Variants in EIF4E3 observed in about 807,000 individuals in gnomAD.
The protein encoded by EIF4E3 is eukaryotic translation initiation factor 4E family member 3.
Under a neutral mutation model 31.7 loss-of-function variants are expected in EIF4E3, and 26 were observed. The observed-to-expected ratio is 0.82, with a 90% CI of 0.60 to 1.14. The LOEUF (loss-of-function observed/expected upper bound fraction) is 1.14, where lower values mean the gene tolerates loss of function less well. EIF4E3 is among the 50% of genes most tolerant of loss of function. The pLI is 0.00. For missense variants in EIF4E3, 304 were observed against 270.9 expected, an observed-to-expected ratio of 1.12 and a Z score of -0.86; for synonymous variants, 128 against 107.7, an observed-to-expected ratio of 1.19 and a Z score of -1.17.
At chr3:71,667,153 C>T in the EIF4E3 span, among the ~76,000 whole-genome samples, 6 of 152,108 alleles carry the variant, frequency 3.9e-5, no homozygotes, top group Non-Finnish European at 4.4e-5. Flanking sequence ...TGACAAAAAC[C>T]ACATGATTAT....
chr3:71,754,602 G>A, upstream of EIF4E3: 2 of 1,442,170 alleles, frequency 1.4e-6, no homozygotes, highest in Non-Finnish European at 1.8e-6. The surrounding 1 kb of genome is among the most constrained non-coding windows in gnomAD (Gnocchi z 5.8). Context: ...CGGCGCGCTG[G>A]GCTTCCTGCT....
intron 1 of EIF4E3, among the ~76,000 whole-genome samples, chr3:71,720,992 G>T (rs6772104): frequency 0.076 from 11,638 of 152,258 alleles, 514 homozygotes; most frequent in Non-Finnish European, 0.098. Context: ...TGGAAGTATG[G>T]CAGGATGGTT....
the EIF4E3 span, among the ~76,000 whole-genome samples, chr3:71,668,622 C>T: frequency 5.3e-5 from 8 of 151,866 alleles, no homozygotes; most frequent in East Asian, 1.9e-4. Context: ...CACCTTTATG[C>T]GGCCAACAAA....
At chr3:71,743,883 T>C (rs181895136) in intron 1 of EIF4E3, among the ~76,000 whole-genome samples, 1 of 152,170 alleles carries the variant, frequency 6.6e-6, no homozygotes, top group East Asian at 1.9e-4. Flanking sequence ...TGAATATCCA[T>C]ACATTAAAAA....
chr3:71,724,555 C>T (rs1434741185), intron 1 of EIF4E3, among the ~76,000 whole-genome samples: 8 of 152,192 alleles, frequency 5.3e-5, no homozygotes, highest in Admixed American at 3.9e-4. Flanking sequence ...TCACCCCCTT[C>T]CTGACAAGGT....
Position 71,683,117 on chromosome 3 carries a change from A to G in EIF4E3, c.*1565T>C, listed in dbSNP as rs2048943534. The stretch of plus-strand genomic sequence containing the variant: ...GGAAAAAAAAAAAGCATTTTAAGAA[A>G]CCTATGATGGTAAGTATTATGGCTG... On this transcript the variant is annotated 3_prime_UTR_variant, in exon 7 of 7. Transcript: ENST00000425534. 1 of 152,206 alleles carries G rather than the reference A, an allele frequency of 6.6e-6. No individual in the cohort carries two copies. Among genetic ancestry groups the G allele is most frequent in the African/African-American group, 2.4e-5 (1 of 41,458 alleles). The allele number at this position is 152,206 out of a possible 1,614,324, so 9.4% of individuals were successfully genotyped here.
chr3:71,708,385 G>C (rs568742092), intron 2 of EIF4E3, among the ~76,000 whole-genome samples: 1 of 152,120 alleles, frequency 6.6e-6, no homozygotes, highest in African/African-American at 2.4e-5. Flanking sequence ...CTTGATCTGC[G>C]TGATGGTTGT....
downstream of EIF4E3, among the ~76,000 whole-genome samples, chr3:71,671,992 A>C: frequency 6.6e-6 from 1 of 152,146 alleles, no homozygotes; most frequent in East Asian, 1.9e-4. Flanking sequence ...AGGGTTTTGC[A>C]TTGAAATCCT....
the EIF4E3 span, among the ~76,000 whole-genome samples, chr3:71,668,892 T>C: frequency 1.3e-5 from 2 of 152,330 alleles, no homozygotes; most frequent in East Asian, 3.9e-4. Context: ...ATCCCATTAC[T>C]AGGTATATAC....
chr3:71,738,014 T>A (rs986916769), intron 1 of EIF4E3, among the ~76,000 whole-genome samples: 2 of 152,134 alleles, frequency 1.3e-5, no homozygotes, highest in Admixed American at 1.3e-4. Flanking sequence ...ACCCTGAACA[T>A]TATATAAAAT....
chr3:71,693,299 G>C (rs1197195905), intron 5 of EIF4E3, among the ~76,000 whole-genome samples: 3 of 152,164 alleles, frequency 2.0e-5, no homozygotes, highest in East Asian at 1.9e-4. Context: ...GAAAAGCCCT[G>C]AAGAACTTCT....
intron 1 of EIF4E3, among the ~76,000 whole-genome samples, chr3:71,732,185 T>C (rs986287211): frequency 6.6e-6 from 1 of 152,186 alleles, no homozygotes; most frequent in Non-Finnish European, 1.5e-5. Flanking sequence ...ACACACCATA[T>C]GTACTCATAT....
chr3:71,708,298 G>A (rs2049323653), intron 2 of EIF4E3, among the ~76,000 whole-genome samples: 1 of 152,180 alleles, frequency 6.6e-6, no homozygotes, highest in Non-Finnish European at 1.5e-5. Flanking sequence ...GTAGAAATGA[G>A]AATAGTGGTT....
At chr3:71,722,093 C>A (rs1431629626) in intron 1 of EIF4E3, among the ~76,000 whole-genome samples, 1 of 38,226 alleles carries the variant, frequency 2.6e-5, no homozygotes, top group African/African-American at 5.0e-5. Flanking sequence ...GGCTTTTCCT[C>A]GGGGGGGCGG....
chr3:71,669,704 TG>T, the EIF4E3 span, among the ~76,000 whole-genome samples: 1 of 152,160 alleles, frequency 6.6e-6, no homozygotes, highest in African/African-American at 2.4e-5. Flanking sequence ...GGCCTAAACA[TG>T]ACTTCAACCT....
chr3:71,729,344 G>T (rs1006383430), upstream of EIF4E3: 1 of 152,280 alleles, frequency 6.6e-6, no homozygotes, highest in Non-Finnish European at 1.5e-5. Flanking sequence ...GAGTTAGCTA[G>T]TGACATTCCC....
chr3:71,704,303 G>A (rs1001225182), intron 2 of EIF4E3, among the ~76,000 whole-genome samples: 2 of 152,208 alleles, frequency 1.3e-5, no homozygotes, highest in Non-Finnish European at 2.9e-5. Context: ...AAGGATGGGA[G>A]AGAGCCCCAC....
upstream of EIF4E3, among the ~76,000 whole-genome samples, chr3:71,729,607 T>A (rs889187675): frequency 1.3e-5 from 2 of 152,148 alleles, no homozygotes; most frequent in African/African-American, 4.8e-5. Context: ...TAGGATTAAA[T>A]GAGAAAATGT....
upstream of EIF4E3, chr3:71,753,941 G>C (rs1296536419): frequency 9.9e-7 from 1 of 1,014,984 alleles, no homozygotes; most frequent in South Asian, 4.5e-5. Context: ...CGCAGGACGG[G>C]GAGCTCGCCC....
Sources: allele counts gnomAD v4.1 joint callset (sites outside exome capture counted in the v4.1 genomes callset), GRCh38; gene constraint gnomAD v4.1.1; non-coding constraint Gnocchi (gnomAD v3.1); transcripts MANE v1.5; gene names NCBI Gene and HGNC (gene_info 2026-07-23, HGNC 2026-07-21).